FER1L6: variants seen among roughly 807,000 people sequenced by gnomAD.
The protein encoded by FER1L6 is fer-1 like family member 6, also known as fer-1-like protein 6.
A neutral mutation model predicts 219.2 loss-of-function variants in FER1L6; 177 were observed. The ratio of observed to expected loss-of-function variants is 0.81; its 90% CI spans 0.71 to 0.91. The LOEUF (loss-of-function observed/expected upper bound fraction) is 0.91. Among genes scored for constraint, FER1L6 ranks in the 40% least tolerant of loss-of-function variants. The pLI is 0.00. For missense variants in FER1L6, 2,153 were observed against 2,259.9 expected (o/e 0.95, Z 0.96); for synonymous variants, 768 against 824.3 (o/e 0.93, Z 1.17).
intron 1 of FER1L6, among the ~76,000 whole-genome samples, chr8:123,911,177 A>C (rs777072921): frequency 6.6e-6 from 1 of 152,190 alleles, no homozygotes; most frequent in African/African-American, 2.4e-5. Context: ...AAGATTCAAG[A>C]CAAAAAAATG....
chr8:123,914,245 A>T (rs1713019675), intron 1 of FER1L6, among the ~76,000 whole-genome samples: 1 of 152,212 alleles, frequency 6.6e-6, no homozygotes, highest in South Asian at 2.1e-4. Flanking sequence ...GGAGAACTGG[A>T]TGACCTTATT....
At chr8:123,903,618 C>CT (rs920232956) in intron 1 of FER1L6, among the ~76,000 whole-genome samples, 4 of 150,182 alleles carry the variant, frequency 2.7e-5, no homozygotes, top group South Asian at 2.1e-4. Context: ...GAGAGCTGCA[C>CT]TTTTTTTTTT....
intron 10 of FER1L6, among the ~76,000 whole-genome samples, chr8:123,978,806 TA>T: frequency 6.6e-6 from 1 of 152,294 alleles, no homozygotes; most frequent in East Asian, 1.9e-4. Flanking sequence ...ACAGATACCA[TA>T]GAGAGGCCTC....
chr8:123,997,009 T>C (rs2130459372), intron 12 of FER1L6, among the ~76,000 whole-genome samples: 1 of 152,302 alleles, frequency 6.6e-6, no homozygotes, highest in East Asian at 1.9e-4. Flanking sequence ...GGTTCGTCTT[T>C]TAGTTTTCTA....
rs1436558601 is a variant in FER1L6 at position 124,097,211 on chromosome 8, AT to A, written c.4696-58del. 15 of 1,228,074 alleles carry A rather than the reference AT, an allele frequency of 1.2e-5. No individual in the cohort carries two copies. In the African/African-American group the frequency reaches 2.2e-4, roughly 18 times the overall value. 76.1% of individuals were successfully genotyped at this position (1,228,074 alleles called of 1,614,324 possible). ...GATCTTATAAAACCATGAATTATCAATTACCCATGTCCCCTAGCCCCCTCCC... is the reference window on the plus strand; with the variant it reads ...GATCTTATAAAACCATGAATTATCAATACCCATGTCCCCTAGCCCCCTCCC... On this transcript the variant is annotated intron_variant, in intron 35 of 40. Transcript: ENST00000522917.
chr8:124,020,952 AGAGGTTTAATT>A lies in FER1L6; in HGVS notation c.2014-595_2014-585del, dbSNP rs1818430220. Among the ~76,000 whole-genome samples, 3 of 152,126 alleles carry A rather than the reference AGAGGTTTAATT, an allele frequency of 2.0e-5. No homozygotes were observed. The South Asian group carries it at 6.2e-4, about 31-fold the overall frequency. On this transcript the variant is annotated intron_variant, in intron 16 of 40. Transcript: ENST00000522917. ...CCAAGACTGGGTAATTATAAAGGAAAGAGGTTTAATTGACGCACAGTTCCACATGGCTAAGA... is the reference window on the plus strand; with the variant it reads ...CCAAGACTGGGTAATTATAAAGGAAAGACGCACAGTTCCACATGGCTAAGA...
intron 1 of FER1L6, among the ~76,000 whole-genome samples, chr8:123,867,158 T>C (rs1027706699): frequency 1.3e-4 from 20 of 152,320 alleles, no homozygotes; most frequent in African/African-American, 4.6e-4. Context: ...GTTGTGGAGA[T>C]TTTCTCCTGT....
chr8:124,053,986 G>A (rs942076925), intron 22 of FER1L6, among the ~76,000 whole-genome samples: 5 of 152,130 alleles, frequency 3.3e-5, no homozygotes, highest in Admixed American at 2.0e-4. Flanking sequence ...TAGCCCCGTT[G>A]TTCTCCCAGA....
intron 39 of FER1L6, among the ~76,000 whole-genome samples, chr8:124,115,334 G>A (rs1823198668): frequency 1.3e-5 from 2 of 152,000 alleles, no homozygotes; most frequent in South Asian, 4.1e-4. Context: ...AAACCTCTGT[G>A]AAGAACGATA....
chr8:124,080,499 G>A (rs945165612), intron 32 of FER1L6, among the ~76,000 whole-genome samples: 2 of 152,062 alleles, frequency 1.3e-5, no homozygotes, highest in African/African-American at 4.8e-5. Flanking sequence ...TGTATTTTTA[G>A]TAGAGACAGG....
chr8:123,977,034 A>C (rs976510387), intron 9 of FER1L6, among the ~76,000 whole-genome samples: 8 of 152,250 alleles, frequency 5.3e-5, no homozygotes, highest in Non-Finnish European at 1.0e-4. Context: ...CATATAAGAC[A>C]TCACCTCCAT....
At position 123,853,190 on chromosome 8, in the gene FER1L6, T is replaced by C. The variant is rs1436456517; in HGVS notation, c.-8+1005T>C. 6.6e-6 allele frequency among the ~76,000 whole-genome samples: 1 copy of C among 152,124 alleles called. No individual in the cohort carries two copies. Among genetic ancestry groups the C allele is most frequent in the Non-Finnish European group, 1.5e-5 (1 of 68,026 alleles). ...ATCTTTTTTTGAGACAGTCTCACTC[T>C]ATAGCCCAGGCTGGAGTGCAGTGGT... On this transcript the variant is annotated intron_variant, in intron 1 of 40. Transcript: ENST00000522917. The surrounding 1 kb of genome is among the most constrained non-coding windows in gnomAD (Gnocchi z 6.6).
chr8:124,067,299 C>T (rs116825725), intron 27 of FER1L6, among the ~76,000 whole-genome samples: 63 of 152,338 alleles, frequency 4.1e-4, no homozygotes, highest in African/African-American at 1.4e-3. Context: ...CCTGCAACCT[C>T]CCTCCTTTTG....
chr8:123,980,672 T>C lies in FER1L6; in HGVS notation c.1271T>C (p.Leu424Ser). The change falls in exon 11 of 41, where the codon TTG becomes TCG. Residue 424 changes from leucine to serine, a missense_variant. By Grantham distance (145) the Leu-to-Ser change is moderately radical. Coordinates refer to ENST00000522917, the MANE Select transcript of FER1L6 (RefSeq NM_001039112.2). ...TCCAAGGCCCTGAAGGAGCTCAAGTTGCCTTCCAAGGACAAAGACTCCAAA... is the reference window on the plus strand; with the variant it reads ...TCCAAGGCCCTGAAGGAGCTCAAGTCGCCTTCCAAGGACAAAGACTCCAAA... Reference protein sequence around the residue: ...KFSKALKELKLPSKDKDSKSS... With the variant: ...KFSKALKELKSPSKDKDSKSS... 1 of 1,614,184 alleles carries C rather than the reference T, an allele frequency of 6.2e-7. No homozygotes were observed. The highest frequency in any genetic ancestry group is 1.7e-5 in the Admixed American group (1 of 60,016).
intron 1 of FER1L6, among the ~76,000 whole-genome samples, chr8:123,897,132 C>T (rs1242368921): frequency 2.0e-5 from 3 of 152,120 alleles, no homozygotes; most frequent in Non-Finnish European, 4.4e-5. Flanking sequence ...CATTTTCCAC[C>T]CCTCCACAAC....
At chr8:124,014,280 G>C (rs1383476638) in intron 15 of FER1L6, 1 of 152,684 alleles carries the variant, frequency 6.5e-6, no homozygotes, top group Non-Finnish European at 1.5e-5. Context: ...AAGGGAGGCC[G>C]ACCTTAGGGA....
At chr8:123,906,808 GAA>G (rs11350871) in intron 1 of FER1L6, among the ~76,000 whole-genome samples, 45,977 of 137,142 alleles carry the variant, frequency 0.34, 7,772 homozygotes, top group Middle Eastern at 0.43. Context: ...ATCTCCGGAA[GAA>G]AAAAAAAAAA....
chr8:123,871,738 A>G (rs1418796427), intron 1 of FER1L6, among the ~76,000 whole-genome samples: 1 of 152,190 alleles, frequency 6.6e-6, no homozygotes, highest in Non-Finnish European at 1.5e-5. Flanking sequence ...CTTTCATTTA[A>G]TGAGTACAGT....
intron 14 of FER1L6, among the ~76,000 whole-genome samples, chr8:124,012,774 T>TG (rs1438338439): frequency 6.6e-6 from 1 of 152,208 alleles, no homozygotes; most frequent in African/African-American, 2.4e-5. Context: ...CACGAGACTT[T>TG]GGGATATGGT....
Sources: allele counts gnomAD v4.1 joint callset (sites outside exome capture counted in the v4.1 genomes callset), GRCh38; gene constraint gnomAD v4.1.1; non-coding constraint Gnocchi (gnomAD v3.1); transcripts MANE v1.5; gene names NCBI Gene and HGNC (gene_info 2026-07-23, HGNC 2026-07-21).